The following TACC1 variants were observed in gnomAD, a reference collection of about 807,000 sequenced individuals.
TACC1 encodes transforming acidic coiled-coil-containing protein 1.
A neutral mutation model predicts 84.4 loss-of-function variants in TACC1; 48 were observed. The ratio of observed to expected loss-of-function variants is 0.57; its 90% confidence interval spans 0.45 to 0.72. The LOEUF (loss-of-function observed/expected upper bound fraction) is 0.72. Among genes scored for constraint, TACC1 ranks in the 30% least tolerant of loss-of-function variants. The pLI, the probability that TACC1 is intolerant of heterozygous loss-of-function variation, is 0.00. For synonymous variants in TACC1, 372 were observed against 376.3 expected, an observed-to-expected ratio of 0.99 and a Z score of 0.13; for missense variants, 920 against 973.0, an observed-to-expected ratio of 0.95 and a Z score of 0.72.
At chr8:38,756,976 C>T (rs1810170998) in intron 3 of TACC1, among the ~76,000 whole-genome samples, 1 of 152,158 alleles carries the variant, frequency 6.6e-6, no homozygotes, top group Admixed American at 6.5e-5. Context: ...CGCGGAGTCC[C>T]GGGGGCGCCC....
rs1832762050 is a variant in TACC1, at chr8:38,848,994, T to C, written c.*971T>C. The C allele has an allele frequency of 6.6e-6, 1 of 151,898 alleles. No homozygotes were observed. The highest frequency in any genetic ancestry group is 2.4e-5 in the African/African-American group (1 of 41,376). The allele number at this position is 151,898 out of a possible 1,614,324, so 9.4% of individuals were successfully genotyped here. A position where few individuals can be genotyped will look rare whatever the true frequency, so the allele number is the denominator to read the frequency against. ...TTTTTTTTGAGACAGAGTTTCGATC[T>C]ATTTTAAGTATGTGAAGAAAATCTA... On this transcript the variant is annotated 3_prime_UTR_variant, in exon 13 of 13. Transcript: ENST00000317827.
chr8:38,787,541 A>G lies in TACC1; in HGVS notation c.-42A>G, dbSNP rs745389885. ...AAAGGGAAAAAGGCTCTCCCCACCC[A>G]TTCCCCTGCCCCTAGGAGCTGGAGC... On this transcript the variant is annotated 5_prime_UTR_variant, in exon 1 of 13. Transcript: ENST00000317827. The G allele has an allele frequency of 6.7e-7, 1 of 1,495,196 alleles. No homozygotes were observed. The highest frequency in any genetic ancestry group is 1.3e-5 in the South Asian group (1 of 78,668). The allele number at this position is 1,495,196 out of a possible 1,614,324, so 92.6% of individuals were successfully genotyped here. A position where few individuals can be genotyped will look rare whatever the true frequency, so the allele number is the denominator to read the frequency against.
intron 3 of TACC1, chr8:38,757,469 G>A: frequency 9.1e-7 from 1 of 1,104,626 alleles, no homozygotes; most frequent in Non-Finnish European, 1.1e-6. Context: ...AGCCCGGGAT[G>A]GAGCGCGCTG....
intron 1 of TACC1, among the ~76,000 whole-genome samples, chr8:38,733,122 C>G (rs1805287598): frequency 6.6e-6 from 1 of 152,162 alleles, no homozygotes; most frequent in South Asian, 2.1e-4. Flanking sequence ...ACCTTTCTCT[C>G]TGCTCTCCTA....
intron 2 of TACC1, 54 bp downstream of exon 2, chr8:38,788,873 A>G: frequency 7.1e-7 from 1 of 1,404,180 alleles, no homozygotes; most frequent in Non-Finnish European, 9.8e-7. Context: ...GTTTTGAAAA[A>G]TATCAATGAA....
chr8:38,842,407 GAT>G lies in TACC1; in HGVS notation c.2084_2085del (p.Tyr695Ter). ...AGGTCCCTTTCTGATCTCTTCAGGA[GAT>G]ATGAGAACCTGAAAGGTGTTCTGGA... On this transcript the variant is annotated frameshift_variant, in exon 10 of 13. Transcript: ENST00000317827. LOFTEE classifies it high-confidence loss of function. The G allele has an allele frequency of 6.2e-7, 1 of 1,613,950 alleles. No homozygotes were observed. The highest frequency in any genetic ancestry group is 8.5e-7 in the Non-Finnish European group (1 of 1,179,956).
chr8:38,820,074 C>T lies in TACC1; in HGVS notation c.830C>T (p.Pro277Leu), dbSNP rs753904530. ...GAAGAGTTGGATGAGAACACAAGTC[C>T]TTTGCTAGGAGATGCCAGGTTCCAG... ...SPEELDENTS[P>L]LLGDARFQKS... Residue 277 changes from proline to leucine, a missense_variant, in exon 3 of 13, where the codon CCT becomes CTT. Around this residue, in one of 2 missense-constraint regions of TACC1, gnomAD observed 762 missense variants for 747.3 expected, o/e 1.02. Coordinates refer to ENST00000317827, the MANE Select transcript of TACC1 (RefSeq NM_006283.3). 30 of 1,614,022 alleles carry T rather than the reference C, an allele frequency of 1.9e-5. No homozygotes were observed. The highest frequency in any genetic ancestry group is 2.5e-5 in the Non-Finnish European group (29 of 1,180,040).
At position 38,819,788 on chromosome 8, in the gene TACC1, G is replaced by C; in HGVS notation, c.544G>C (p.Ala182Pro). The C allele has an allele frequency of 6.2e-7, 1 of 1,613,946 alleles. No individual in the cohort carries two copies. The highest frequency in any genetic ancestry group is 8.5e-7 in the Non-Finnish European group (1 of 1,180,042). Reference sequence around the variant, plus strand: ...CTGTGTAACTGCAGTCTCAGGCAAGGCTCTGCCTTCCAGCCCGCCAGACGC... The same window carrying C: ...CTGTGTAACTGCAGTCTCAGGCAAGCCTCTGCCTTCCAGCCCGCCAGACGC... ...HGCVTAVSGK[A>P]LPSSPPDALQ... is the part of the protein sequence containing the mutation. Residue 182 changes from alanine to proline, a missense_variant, in exon 3 of 13, where the codon GCT becomes CCT. By Grantham distance (27) the Ala-to-Pro change is conservative. Around this residue, in one of 2 missense-constraint regions of TACC1, gnomAD observed 762 missense variants for 747.3 expected, o/e 1.02. Transcript: ENST00000317827.
At chr8:38,731,352 G>A (rs1804887165) in intron 1 of TACC1, among the ~76,000 whole-genome samples, 2 of 152,180 alleles carry the variant, frequency 1.3e-5, no homozygotes, top group Non-Finnish European at 2.9e-5. Flanking sequence ...ACACAAACCT[G>A]TGTGCCTCAG....
intron 3 of TACC1, among the ~76,000 whole-genome samples, chr8:38,764,426 TAA>T (rs71216685): frequency 3.2e-3 from 327 of 100,918 alleles, no homozygotes; most frequent in East Asian, 5.5e-3. Flanking sequence ...ATCAATTTGG[TAA>T]AAAAAAAAAA....
chr8:38,731,379 T>C (rs1804892470), intron 1 of TACC1, among the ~76,000 whole-genome samples: 1 of 152,192 alleles, frequency 6.6e-6, no homozygotes, highest in Non-Finnish European at 1.5e-5. Context: ...CAAAATAATA[T>C]CCTCTGGAGA....
At chr8:38,822,753 A>G (rs1344654617) in intron 3 of TACC1, among the ~76,000 whole-genome samples, 1 of 152,232 alleles carries the variant, frequency 6.6e-6, no homozygotes, top group Non-Finnish European at 1.5e-5. Flanking sequence ...GTTAAAAACT[A>G]AGACACAGAC....
intron 6 of TACC1, among the ~76,000 whole-genome samples, chr8:38,832,863 C>T (rs979454830): frequency 6.6e-6 from 1 of 152,162 alleles, no homozygotes; most frequent in Non-Finnish European, 1.5e-5. Context: ...ATTAGTGATG[C>T]GAATTCTCCA....
upstream of TACC1, among the ~76,000 whole-genome samples, chr8:38,782,902 A>G (rs1816311797): frequency 6.6e-6 from 1 of 152,090 alleles, no homozygotes; most frequent in African/African-American, 2.4e-5. Flanking sequence ...AATTCTGTTT[A>G]TATCTTTTGC....
chr8:38,784,018 T>C (rs1197368456), upstream of TACC1, among the ~76,000 whole-genome samples: 4 of 152,218 alleles, frequency 2.6e-5, no homozygotes, highest in African/African-American at 9.7e-5. Context: ...CTGGTTAGAC[T>C]GAGGTAGGGC....
intron 1 of TACC1, chr8:38,728,783 C>T (rs985527583): frequency 1.3e-5 from 2 of 152,222 alleles, no homozygotes; most frequent in Non-Finnish European, 2.9e-5. Flanking sequence ...GGGTATGCGC[C>T]GGGTGGTGGG....
chr8:38,797,841 T>C (rs62506666), intron 2 of TACC1, among the ~76,000 whole-genome samples: 27,544 of 152,148 alleles, frequency 0.18, 3,314 homozygotes, highest in Non-Finnish European at 0.27. Flanking sequence ...CCAGAATAGG[T>C]TGGGGATGGG....
In TACC1 at chr8:38,824,198, A is replaced by C. The variant is rs546397697; in HGVS notation, c.1392-1110A>C. ...AGTCAGCTTAGCCTTGCAGTTGTCC[A>C]TACCTAAGGGAGTGGGGCTTGGCCT... On this transcript the variant is annotated intron_variant, in intron 3 of 12. Coordinates refer to ENST00000317827, the MANE Select transcript of TACC1 (RefSeq NM_006283.3). Among the ~76,000 whole-genome samples, 12 of 152,282 alleles carry C rather than the reference A, an allele frequency of 7.9e-5. No individual in the cohort carries two copies. The South Asian group carries it at 2.5e-3, about 32-fold the overall frequency.
chr8:38,821,304 G>A (rs909579006), intron 3 of TACC1, among the ~76,000 whole-genome samples: 2 of 152,074 alleles, frequency 1.3e-5, no homozygotes, highest in Non-Finnish European at 2.9e-5. Flanking sequence ...CAATTCAAAT[G>A]TCACTGCTGG....
Sources: gnomAD v4.1 joint callset for allele counts (sites outside exome capture counted in the v4.1 genomes callset) on GRCh38, gnomAD v4.1.1 for gene constraint, gnomAD v4.1.1 regional missense constraint, MANE v1.5 for transcripts, NCBI Gene and HGNC (gene_info 2026-07-23, HGNC 2026-07-21) for gene names.